Variants in KATNA1 observed in about 807,000 individuals in gnomAD.
KATNA1 encodes katanin p60 ATPase-containing subunit A1.
Under a neutral mutation model 62.6 loss-of-function variants are expected in KATNA1, and 42 were observed. That is an observed-to-expected ratio of 0.67 (90% CI 0.52 to 0.87). The LOEUF (loss-of-function observed/expected upper bound fraction) is 0.87, where lower values mean the gene tolerates loss of function less well. Among genes scored for constraint, KATNA1 ranks in the 40% least tolerant of loss-of-function variants. The probability of loss-of-function intolerance (pLI) is 0.00; values close to 1 mark genes in which losing one functional copy is unlikely to be tolerated. For missense variants in KATNA1, 498 were observed against 612.5 expected (o/e 0.81, Z 1.97); for synonymous variants, 186 against 201.9 (o/e 0.92, Z 0.67).
intron 1 of KATNA1, among the ~76,000 whole-genome samples, chr6:149,640,789 C>T (rs1029586129): frequency 5.9e-5 from 9 of 151,994 alleles, no homozygotes; most frequent in Non-Finnish European, 7.4e-5. Flanking sequence ...CCTCGTGATC[C>T]GCCCGCCTCG....
chr6:149,638,502 A>T lies in KATNA1; in HGVS notation c.46T>A (p.Tyr16Asn). 2 of 1,613,820 alleles carry T rather than the reference A, an allele frequency of 1.2e-6. No individual in the cohort carries two copies. Among genetic ancestry groups the T allele is most frequent in the East Asian group, 2.2e-5 (1 of 44,872 alleles). ...ISENVKLARE[Y>N]ALLGNYDSAM... ...GAGTCATAGTTTCCCAGCAATGCAT[A>T]TTCACGAGCCAATTTTACATTCTCA... Residue 16 changes from tyrosine to asparagine, a missense_variant, in exon 2 of 11, where the codon TAT becomes AAT. Around this residue, in one of 3 missense-constraint regions of KATNA1, gnomAD observed 28 missense variants for 41.6 expected, o/e 0.67. Transcript: ENST00000367411.
rs1246976907 is a variant in KATNA1 at position 149,594,930 on chromosome 6, C to T, written c.*106G>A. ...ATCATAAGGGTTTTTTTAAAAAAAT[C>T]TTACCATTATGAAAGTTAAAAAAAA... On this transcript the variant is annotated 3_prime_UTR_variant, in exon 11 of 11. Transcript: ENST00000367411. 2.4e-6 allele frequency: 2 copies of T among 850,100 alleles called. No homozygotes were observed. Among genetic ancestry groups the T allele is most frequent in the African/African-American group, 3.5e-5 (2 of 57,584 alleles). The allele number at this position is 850,100 out of a possible 1,614,324, so 52.7% of individuals were successfully genotyped here.
At chr6:149,610,577 GA>G (rs1261376696) in intron 4 of KATNA1, among the ~76,000 whole-genome samples, 3 of 152,112 alleles carry the variant, frequency 2.0e-5, no homozygotes, top group Non-Finnish European at 4.4e-5. Flanking sequence ...CACACAATTG[GA>G]AACTAAACAG....
chr6:149,609,598 T>C (rs1778868084), intron 4 of KATNA1, among the ~76,000 whole-genome samples: 1 of 147,486 alleles, frequency 6.8e-6, no homozygotes, highest in Non-Finnish European at 1.5e-5. Context: ...AAGTCAGGAG[T>C]TTGAGACCAG....
At chr6:149,611,749 C>T (rs1250157096) in intron 4 of KATNA1, among the ~76,000 whole-genome samples, 1 of 152,062 alleles carries the variant, frequency 6.6e-6, no homozygotes, top group African/African-American at 2.4e-5. Flanking sequence ...CCTGTAATCC[C>T]AGCACTTTGG....
intron 4 of KATNA1, among the ~76,000 whole-genome samples, chr6:149,606,898 G>A (rs1198028386): frequency 6.6e-6 from 1 of 152,122 alleles, no homozygotes; most frequent in Non-Finnish European, 1.5e-5. Context: ...GGGATTACAG[G>A]GGTGAGCCAC....
intron 7 of KATNA1, among the ~76,000 whole-genome samples, chr6:149,600,628 G>T (rs1199761453): frequency 6.6e-6 from 1 of 151,676 alleles, no homozygotes; most frequent in East Asian, 1.9e-4. Context: ...ATGAGACCCT[G>T]TCAAAAAAAA....
intron 7 of KATNA1, among the ~76,000 whole-genome samples, chr6:149,599,057 G>A (rs1407024687): frequency 6.6e-6 from 1 of 151,874 alleles, no homozygotes; most frequent in African/African-American, 2.4e-5. Flanking sequence ...TAGAGATGGT[G>A]TCTTATTATG....
At chr6:149,618,786 A>G (rs2115114447) in intron 4 of KATNA1, among the ~76,000 whole-genome samples, 1 of 152,334 alleles carries the variant, frequency 6.6e-6, no homozygotes, top group East Asian at 1.9e-4. Flanking sequence ...TTGCAGAAAT[A>G]AGGAGCTAGA....
chr6:149,623,574 T>C (rs1779493887), intron 3 of KATNA1, among the ~76,000 whole-genome samples: 1 of 151,914 alleles, frequency 6.6e-6, no homozygotes, highest in African/African-American at 2.4e-5. Flanking sequence ...CCGTCTCTAC[T>C]AAAAATACAA....
intron 1 of KATNA1, among the ~76,000 whole-genome samples, chr6:149,643,021 G>C (rs1488554956): frequency 6.6e-6 from 1 of 152,162 alleles, no homozygotes; most frequent in Non-Finnish European, 1.5e-5. Flanking sequence ...CCATTTCCGA[G>C]ATTAGACTAT....
intron 1 of KATNA1, among the ~76,000 whole-genome samples, chr6:149,641,183 T>C (rs1307684572): frequency 6.7e-6 from 1 of 149,878 alleles, no homozygotes; most frequent in Admixed American, 6.7e-5. Flanking sequence ...CCTCGGGTTT[T>C]TTTTTTTTTT....
At chr6:149,611,772 G>A (rs891991374) in intron 4 of KATNA1, among the ~76,000 whole-genome samples, 5 of 152,050 alleles carry the variant, frequency 3.3e-5, no homozygotes, top group Admixed American at 1.3e-4. Flanking sequence ...GGTCAAGGTG[G>A]GTGGATCACG....
chr6:149,613,661 A>G (rs1779054324), intron 4 of KATNA1, among the ~76,000 whole-genome samples: 1 of 152,180 alleles, frequency 6.6e-6, no homozygotes, highest in African/African-American at 2.4e-5. Flanking sequence ...ACTATTTAGG[A>G]ACTCTGGAGT....
chr6:149,603,028 A>G (rs1383076074), intron 6 of KATNA1, among the ~76,000 whole-genome samples: 1 of 152,170 alleles, frequency 6.6e-6, no homozygotes, highest in Non-Finnish European at 1.5e-5. Context: ...GCCAAATTCT[A>G]AATTTTAATG....
At chr6:149,627,675 C>T (rs1209145700) in intron 3 of KATNA1, among the ~76,000 whole-genome samples, 3 of 123,678 alleles carry the variant, frequency 2.4e-5, no homozygotes, top group African/African-American at 9.3e-5. Flanking sequence ...GAGTGAGACT[C>T]TGTCTCAAAA....
At chr6:149,638,694 G>GC in intron 1 of KATNA1, 134 bp from the exon 2 acceptor site, 1 of 462,374 alleles carries the variant, frequency 2.2e-6, no homozygotes, top group Admixed American at 3.5e-5. Context: ...CTCTATATGT[G>GC]TGCTCATGCT....
chr6:149,600,468 A>G (rs868627743), intron 7 of KATNA1, among the ~76,000 whole-genome samples: 8 of 152,172 alleles, frequency 5.3e-5, no homozygotes, highest in African/African-American at 1.9e-4. Flanking sequence ...CCTCATCTCT[A>G]CTAAAAATAC....
intron 4 of KATNA1, among the ~76,000 whole-genome samples, chr6:149,605,922 G>A (rs1473348164): frequency 6.6e-6 from 1 of 151,970 alleles, no homozygotes; most frequent in Non-Finnish European, 1.5e-5. Context: ...GCACCACCAC[G>A]CCCGGCTAAT....
Sources: gnomAD v4.1 joint callset for allele counts (sites outside exome capture counted in the v4.1 genomes callset) on GRCh38, gnomAD v4.1.1 for gene constraint, gnomAD v4.1.1 regional missense constraint, MANE v1.5 for transcripts, NCBI Gene and HGNC (gene_info 2026-07-23, HGNC 2026-07-21) for gene names.